PCDHGA4: variants seen among roughly 807,000 people sequenced by gnomAD.
The protein encoded by PCDHGA4 is protocadherin gamma-A4.
Under a neutral mutation model 54.6 loss-of-function variants are expected in PCDHGA4, and 38 were observed. The ratio of observed to expected loss-of-function variants is 0.70; its 90% CI spans 0.54 to 0.91. PCDHGA4 has a LOEUF of 0.91. Among genes scored for constraint, PCDHGA4 ranks in the 40% least tolerant of loss-of-function variants. The pLI is 0.00. For missense variants in PCDHGA4, 1,298 were observed against 1,220.9 expected (o/e 1.06, Z -0.94); for synonymous variants, 511 against 512.9 (o/e 1.00, Z 0.05).
In PCDHGA4 at chr5:141,357,187, G is replaced by A; in HGVS notation, c.2080G>A (p.Ala694Thr). 2.5e-6 allele frequency: 4 copies of A among 1,613,774 alleles called. No homozygotes were observed. The highest frequency in any genetic ancestry group is 3.4e-6 in the Non-Finnish European group (4 of 1,179,886). Residue 694 changes from alanine (A) to threonine (T), a missense_variant, in exon 1 of 4, where the codon GCT (alanine) becomes ACT (threonine). Physicochemically the swap from Ala to Thr is moderately conservative, Grantham distance 58. Coordinates refer to ENST00000571252, the MANE Select transcript of PCDHGA4 (RefSeq NM_018917.4). ...CTCGGCCACCGTCACACTCACTGTG[G>A]CTGTGGCCGACAGCATCCCAGATGT... The part of the protein sequence containing the change: ...PLSATVTLTV[A>T]VADSIPDVLA...
rs2099664737 is a variant in PCDHGA4, at chr5:141,487,754, G to GTAGAC, written c.2515-7052_2515-7048dup. 1 of 1,552,036 alleles carries GTAGAC rather than the reference G, an allele frequency of 6.4e-7. No homozygotes were observed. The highest frequency in any genetic ancestry group is 1.4e-5 in the African/African-American group (1 of 73,242). ...CATTTTTGTAAGAGGTAACTATGTG[G>GTAGAC]TAGACGCTGTGCTTTGTAACTGTTT... On this transcript the variant is annotated intron_variant, in intron 1 of 3. Transcript: ENST00000571252. This position sits in a 1 kb window ranked among gnomAD's most constrained non-coding sequence, Gnocchi z 5.0.
At chr5:141,381,878 G>A (rs1777712402) in intron 1 of PCDHGA4, among the ~76,000 whole-genome samples, 2 of 129,172 alleles carry the variant, frequency 1.5e-5, no homozygotes, top group South Asian at 4.9e-4. Flanking sequence ...TGTCCAGGCT[G>A]GAGTGCAATG....
At chr5:141,376,331 C>T (rs757952080) in intron 1 of PCDHGA4, 2 of 1,614,078 alleles carry the variant, frequency 1.2e-6, no homozygotes, top group East Asian at 2.2e-5. Context: ...TCGGGCTTTC[C>T]TGCAGACCTA....
rs1404656316 is a variant in PCDHGA4 at position 141,486,648 on chromosome 5, A to G, written c.2515-8159A>G. 6.2e-7 allele frequency: 1 copy of G among 1,613,298 alleles called. No individual in the cohort carries two copies. The highest frequency in any genetic ancestry group is 8.5e-7 in the Non-Finnish European group (1 of 1,179,892). The stretch of plus-strand genomic sequence containing the variant: ...TCTGGCTTGAATGCGCTTATCTCCT[A>G]CTCACTCCTGGAGCCCAGGAATCGA... On this transcript the variant is annotated intron_variant, in intron 1 of 3. Coordinates refer to ENST00000571252, the MANE Select transcript of PCDHGA4 (RefSeq NM_018917.4). This position sits in a 1 kb window ranked among gnomAD's most constrained non-coding sequence, Gnocchi z 5.0.
chr5:141,413,390 C>G, intron 1 of PCDHGA4: 1 of 1,614,010 alleles, frequency 6.2e-7, no homozygotes, highest in Non-Finnish European at 8.5e-7. Context: ...CGCATAGTCT[C>G]CAGAGGTAGG....
intron 1 of PCDHGA4, chr5:141,385,154 C>A (rs761681846): frequency 6.2e-7 from 1 of 1,614,208 alleles, no homozygotes; most frequent in Admixed American, 1.7e-5. Context: ...TTCCTGCAGA[C>A]CTATTCCCAT....
intron 1 of PCDHGA4, chr5:141,360,880 G>T: frequency 1.2e-6 from 2 of 1,614,004 alleles, no homozygotes; most frequent in South Asian, 2.2e-5. Flanking sequence ...CGTGTACAGG[G>T]TCACCCTGAG....
intron 1 of PCDHGA4, among the ~76,000 whole-genome samples, chr5:141,448,931 C>G (rs966398044): frequency 1.3e-5 from 2 of 152,040 alleles, no homozygotes; most frequent in African/African-American, 4.8e-5. Context: ...GGCGACAGAG[C>G]AAGACTGCAA....
At chr5:141,363,029 C>T (rs139317097) in intron 1 of PCDHGA4, among the ~76,000 whole-genome samples, 7 of 152,336 alleles carry the variant, frequency 4.6e-5, no homozygotes, top group African/African-American at 1.7e-4. Context: ...GACATTGTCC[C>T]ATTGACTTGA....
intron 1 of PCDHGA4, chr5:141,388,040 G>A (rs1561617548): frequency 7.1e-7 from 1 of 1,412,748 alleles, no homozygotes; most frequent in Non-Finnish European, 9.6e-7. Flanking sequence ...ACCTCGCCAC[G>A]GACCTGGGGT....
chr5:141,415,521 G>T lies in PCDHGA4; in HGVS notation c.2514+57900G>T, dbSNP rs1357538686. 2.5e-6 allele frequency: 4 copies of T among 1,614,070 alleles called. No individual in the cohort carries two copies. The African/African-American group carries it at 5.3e-5, about 22-fold the overall frequency. Reference sequence around the variant, plus strand: ...TCCCCCAGCCCAATTATGCGGACACGCTCATCAGCCAGGAGAGCTGTGAGA... The same window carrying T: ...TCCCCCAGCCCAATTATGCGGACACTCTCATCAGCCAGGAGAGCTGTGAGA... On this transcript the variant is annotated intron_variant, in intron 1 of 3. Coordinates refer to ENST00000571252, the MANE Select transcript of PCDHGA4 (RefSeq NM_018917.4).
intron 1 of PCDHGA4, among the ~76,000 whole-genome samples, chr5:141,445,834 T>G (rs1310067225): frequency 6.6e-6 from 1 of 152,218 alleles, no homozygotes; most frequent in Middle Eastern, 3.2e-3. Context: ...GGGAGAGCCT[T>G]GTAAATCACA....
At chr5:141,418,901 A>G in intron 1 of PCDHGA4, 1 of 1,614,016 alleles carries the variant, frequency 6.2e-7, no homozygotes, top group East Asian at 2.2e-5. Context: ...CCCAGAAATA[A>G]TCATCACGTC....
Position 141,432,206 on chromosome 5 carries a change from G to T in PCDHGA4, c.2515-62601G>T, listed in dbSNP as rs551220443. ...GACCGCCCACGACCCCGACTGTGAA[G>T]AGAACGCCCAGATCACTTATTCCCT... On this transcript the variant is annotated intron_variant, in intron 1 of 3. Coordinates refer to ENST00000571252, the MANE Select transcript of PCDHGA4 (RefSeq NM_018917.4). The surrounding 1 kb of genome is among the most constrained non-coding windows in gnomAD (Gnocchi z 6.0). 12 of 1,614,214 alleles carry T rather than the reference G, an allele frequency of 7.4e-6. No individual in the cohort carries two copies. The Admixed American group carries it at 8.3e-5, about 11-fold the overall frequency.
At position 141,477,213 on chromosome 5, in the gene PCDHGA4, C is replaced by G; in HGVS notation, c.2515-17594C>G. ...TACAGCCCAGTACCCGAGGATGCCC[C>G]TCTGGGGACTGTCATCGCTTTGCTC... is the stretch of plus-strand genomic sequence containing the variant. On this transcript the variant is annotated intron_variant, in intron 1 of 3. Coordinates refer to ENST00000571252, the MANE Select transcript of PCDHGA4 (RefSeq NM_018917.4). The surrounding 1 kb of genome is among the most constrained non-coding windows in gnomAD (Gnocchi z 4.9). 6.2e-7 allele frequency: 1 copy of G among 1,614,184 alleles called. No individual in the cohort carries two copies.
In PCDHGA4 at chr5:141,381,798, C is replaced by CTCTTTCTTTCTTTCTT. The variant is rs372235829; in HGVS notation, c.2514+24186_2514+24201dup. On this transcript the variant is annotated intron_variant, in intron 1 of 3. Coordinates refer to ENST00000571252, the MANE Select transcript of PCDHGA4 (RefSeq NM_018917.4). Reference sequence around the variant, plus strand: ...ATCAGGAACAAGGCAAGGCAATTCCCTCTTTCTTTCTTTCTTTCTTTCTTC... The same window carrying CTCTTTCTTTCTTTCTT: ...ATCAGGAACAAGGCAAGGCAATTCCCTCTTTCTTTCTTTCTTTCTTTCTTTCTTTCTTTCTTTCTTC... Among the ~76,000 whole-genome samples, 49 of 144,164 alleles carry CTCTTTCTTTCTTTCTT rather than the reference C, an allele frequency of 3.4e-4. 1 individual carries two copies. The highest frequency in any genetic ancestry group is 1.3e-3 in the African/African-American group (47 of 37,522). The allele number at this position is 144,164 out of a possible 152,430, so 94.6% of individuals were successfully genotyped here. A position where few individuals can be genotyped will look rare whatever the true frequency, so the allele number is the denominator to read the frequency against.
rs1760220758 is a variant in PCDHGA4 at position 141,356,431 on chromosome 5, G to A, written c.1324G>A (p.Asp442Asn). 6.2e-7 allele frequency: 1 copy of A among 1,609,622 alleles called. No homozygotes were observed. Among genetic ancestry groups the A allele is most frequent in the Non-Finnish European group, 8.5e-7 (1 of 1,177,552 alleles). ...YYRLLTHRTL[D>N]REEVSEYNIT... is the part of the protein sequence containing the mutation. ...TCGGTTGTTGACACACAGAACACTG[G>A]ACAGGGAAGAAGTCTCAGAATATAA... The change falls in exon 1 of 4, where the codon GAC becomes AAC. Residue 442 changes from aspartate (D) to asparagine (N), a missense_variant. Coordinates refer to ENST00000571252, the MANE Select transcript of PCDHGA4 (RefSeq NM_018917.4).
chr5:141,501,664 TATAG>T (rs1161034391), intron 2 of PCDHGA4, among the ~76,000 whole-genome samples: 1 of 152,064 alleles, frequency 6.6e-6, no homozygotes, highest in East Asian at 1.9e-4. Flanking sequence ...TGTTGGAAAA[TATAG>T]ATAATCACAA....
At chr5:141,405,032 G>A (rs747720731) in intron 1 of PCDHGA4, 25 of 1,613,806 alleles carry the variant, frequency 1.5e-5, no homozygotes, top group African/African-American at 6.7e-5. Context: ...CCTCTACCTC[G>A]TTGTGGCTGT....
Sources: allele counts gnomAD v4.1 joint callset (sites outside exome capture counted in the v4.1 genomes callset), GRCh38; gene constraint gnomAD v4.1.1; non-coding constraint Gnocchi (gnomAD v3.1); transcripts MANE v1.5; gene names NCBI Gene and HGNC (gene_info 2026-07-23, HGNC 2026-07-21).